The following ITPKB variants were observed in gnomAD, a reference collection of about 807,000 sequenced individuals.
ITPKB encodes inositol-trisphosphate 3-kinase B.
In ITPKB, 13 loss-of-function variants were observed where a neutral mutation model predicts 69.4. The ratio of observed to expected loss-of-function variants is 0.19; its 90% CI spans 0.12 to 0.30. The LOEUF is 0.30. Among genes scored for constraint, ITPKB ranks in the 10% least tolerant of loss-of-function variants. ITPKB has a pLI of 1.00. For synonymous variants in ITPKB, 584 were observed against 513.7 expected (o/e 1.14, Z -1.85); for missense variants, 1,240 against 1,250.5 (o/e 0.99, Z 0.13).
intron 2 of ITPKB, among the ~76,000 whole-genome samples, chr1:226,702,399 G>A (rs10916026): frequency 0.25 from 34,507 of 136,740 alleles, 4,285 homozygotes; most frequent in Middle Eastern, 0.36. Context: ...CTCCCTCTCG[G>A]AAAAAAAAAA....
At chr1:226,724,637 AG>A (rs1157149752) in intron 2 of ITPKB, among the ~76,000 whole-genome samples, 2 of 152,190 alleles carry the variant, frequency 1.3e-5, no homozygotes, top group Non-Finnish European at 2.9e-5. Flanking sequence ...TCACACAGAT[AG>A]GAAGTAACAG....
chr1:226,658,931 G>A (rs1404302872), intron 2 of ITPKB, among the ~76,000 whole-genome samples: 1 of 152,160 alleles, frequency 6.6e-6, no homozygotes, highest in Non-Finnish European at 1.5e-5. Context: ...AGCTAAACTA[G>A]CTCCAGGTGA....
chr1:226,723,438 C>T (rs1416569817), intron 2 of ITPKB, among the ~76,000 whole-genome samples: 1 of 152,078 alleles, frequency 6.6e-6, no homozygotes, highest in East Asian at 1.9e-4. Flanking sequence ...TTAATAAGCA[C>T]GTGCCTGGCC....
chr1:226,722,174 T>C (rs546590051), intron 2 of ITPKB, among the ~76,000 whole-genome samples: 1 of 152,286 alleles, frequency 6.6e-6, no homozygotes, highest in African/African-American at 2.4e-5. Flanking sequence ...CAAACTACAG[T>C]CAGAGGCCAG....
At chr1:226,636,793 T>TGTGTGA (rs1553315945) in intron 7 of ITPKB, among the ~76,000 whole-genome samples, 8 of 130,660 alleles carry the variant, frequency 6.1e-5, no homozygotes, top group African/African-American at 2.1e-4. Flanking sequence ...TGTGTGTGTG[T>TGTGTGA]GAGACTGGGA....
intron 2 of ITPKB, among the ~76,000 whole-genome samples, chr1:226,735,199 A>T (rs2102652889): frequency 6.6e-6 from 1 of 152,380 alleles, no homozygotes; most frequent in South Asian, 2.1e-4. Flanking sequence ...TTTGGGGATT[A>T]GTCCAGAAGT....
chr1:226,726,007 G>A (rs1439152403), intron 2 of ITPKB, among the ~76,000 whole-genome samples: 2 of 152,098 alleles, frequency 1.3e-5, no homozygotes, highest in South Asian at 4.1e-4. Flanking sequence ...TCCTCTTTTT[G>A]TAAAAAAGCA....
intron 2 of ITPKB, among the ~76,000 whole-genome samples, chr1:226,662,261 A>C (rs1456843489): frequency 6.6e-6 from 1 of 152,212 alleles, no homozygotes; most frequent in Non-Finnish European, 1.5e-5. Context: ...ATGCTGGAGG[A>C]TGACATTTAC....
chr1:226,697,250 T>C (rs1431856365), intron 2 of ITPKB, among the ~76,000 whole-genome samples: 1 of 152,238 alleles, frequency 6.6e-6, no homozygotes, highest in Non-Finnish European at 1.5e-5. Flanking sequence ...GTAGCAATAG[T>C]TGCTGTGAGG....
intron 2 of ITPKB, among the ~76,000 whole-genome samples, chr1:226,666,133 A>G (rs919746097): frequency 6.6e-6 from 1 of 152,222 alleles, no homozygotes; most frequent in Non-Finnish European, 1.5e-5. Flanking sequence ...TTTAAATGAT[A>G]AAGGCATCAG....
intron 2 of ITPKB, among the ~76,000 whole-genome samples, chr1:226,679,501 G>A (rs1656025597): frequency 6.6e-6 from 1 of 152,154 alleles, no homozygotes; most frequent in African/African-American, 2.4e-5. Context: ...AATACTATCT[G>A]GCTCTGAAAT....
intron 2 of ITPKB, among the ~76,000 whole-genome samples, chr1:226,685,626 T>C (rs1319102459): frequency 6.6e-6 from 1 of 152,176 alleles, no homozygotes; most frequent in East Asian, 1.9e-4. Context: ...CTGCAGCCTC[T>C]ACCCAACGAC....
rs1470758458 is a variant in ITPKB, at chr1:226,736,353, G to A, written c.1106C>T (p.Pro369Leu). ...CAGATATCCTTTCCCCATCTTCCCA[G>A]GGGGTTCTCCATCGCGGGGCCCGCC... ...ERGGPRDGEP[P>L]GKMGKGYLPC... Residue 369 changes from proline to leucine, a missense_variant, in exon 2 of 8, where the codon CCT becomes CTT. This residue lies in a region of ITPKB where 992 missense variants were observed against 853.8 expected (regional missense o/e 1.16). Transcript: ENST00000429204. 5 of 1,612,414 alleles carry A rather than the reference G, an allele frequency of 3.1e-6. No homozygotes were observed. In the Admixed American group the frequency reaches 6.7e-5, roughly 22 times the overall value.
intron 2 of ITPKB, among the ~76,000 whole-genome samples, chr1:226,693,478 A>G (rs1369121504): frequency 6.6e-6 from 1 of 152,206 alleles, no homozygotes; most frequent in East Asian, 1.9e-4. Flanking sequence ...CCCTACTGAC[A>G]TGTTTTATTG....
intron 2 of ITPKB, among the ~76,000 whole-genome samples, chr1:226,652,029 C>T (rs1009918097): frequency 1.3e-5 from 2 of 152,264 alleles, no homozygotes; most frequent in Non-Finnish European, 2.9e-5. Context: ...TGCACTTGCA[C>T]TGGAGACCTC....
intron 2 of ITPKB, among the ~76,000 whole-genome samples, chr1:226,668,587 C>A (rs777056039): frequency 7.2e-5 from 11 of 152,190 alleles, no homozygotes; most frequent in African/African-American, 2.7e-4. Flanking sequence ...TCCTGAAGAA[C>A]TGAAGAACAG....
intron 2 of ITPKB, chr1:226,676,472 T>C (rs79173615): frequency 2.0e-5 from 3 of 152,254 alleles, no homozygotes; most frequent in Non-Finnish European, 4.4e-5. Context: ...CCAATTCCCC[T>C]ACCGGTGTGA....
Position 226,703,311 on chromosome 1 carries a change from A to G in ITPKB, c.1932+32216T>C, listed in dbSNP as rs1040249402. ...GGAACCAGGCGTGCCTCCATTTCTC[A>G]CTCGATTTGTTTACAATGAACGGAC... is the stretch of plus-strand genomic sequence containing the variant. On this transcript the variant is annotated intron_variant, in intron 2 of 7. Transcript: ENST00000429204. Among the ~76,000 whole-genome samples the G allele has an allele frequency of 5.3e-5, 8 of 152,188 alleles. No homozygotes were observed. In the South Asian group the frequency reaches 8.3e-4, roughly 16 times the overall value.
intron 2 of ITPKB, among the ~76,000 whole-genome samples, chr1:226,652,834 G>A (rs1361945902): frequency 2.0e-5 from 3 of 152,200 alleles, no homozygotes; most frequent in African/African-American, 4.8e-5. Flanking sequence ...CCTCTCTTTG[G>A]CAGACCTGGG....
Sources: gnomAD v4.1 joint callset for allele counts (sites outside exome capture counted in the v4.1 genomes callset) on GRCh38, gnomAD v4.1.1 for gene constraint, gnomAD v4.1.1 regional missense constraint, MANE v1.5 for transcripts, NCBI Gene and HGNC (gene_info 2026-07-23, HGNC 2026-07-21) for gene names.